Variants in ZDHHC8 observed in about 807,000 individuals in gnomAD.
The protein encoded by ZDHHC8 is zDHHC palmitoyltransferase 8, also known as palmitoyltransferase ZDHHC8.
ZDHHC8 carries 24 observed loss-of-function variants against 61.2 expected under a neutral mutation model. That is an observed-to-expected ratio of 0.39 (90% CI 0.28 to 0.55). ZDHHC8 has a LOEUF of 0.55. Among genes scored for constraint, ZDHHC8 ranks in the 20% least tolerant of loss-of-function variants. The pLI, the probability that ZDHHC8 is intolerant of heterozygous loss-of-function variation, is 0.60. For synonymous variants in ZDHHC8, 523 were observed against 492.5 expected (o/e 1.06, Z -0.82); for missense variants, 935 against 1,102.1 (o/e 0.85, Z 2.15).
In ZDHHC8 at chr22:20,143,014, C is replaced by G; in HGVS notation, c.1384C>G (p.Arg462Gly). Residue 462 changes from arginine to glycine, a missense_variant, in exon 10 of 11, where the codon CGT becomes GGT. Coordinates refer to ENST00000334554, the MANE Select transcript of ZDHHC8 (RefSeq NM_013373.4). ...RSEGGPPTPH[R>G]SIFAPHALPN... is the part of the protein sequence containing the mutation. ...TGAGGGGGGGCCCCCCACGCCCCAC[C>G]GTAGCATTTTTGCCCCCCATGCACT... is the stretch of plus-strand genomic sequence containing the variant. The G allele has an allele frequency of 5.6e-6, 9 of 1,612,128 alleles. No homozygotes were observed. The highest frequency in any genetic ancestry group is 7.6e-6 in the Non-Finnish European group (9 of 1,179,662).
chr22:20,145,268 T>C lies in ZDHHC8; in HGVS notation c.2166T>C (p.Asn722=), dbSNP rs777426245. 119 of 1,545,548 alleles carry C rather than the reference T, an allele frequency of 7.7e-5. No individual in the cohort carries two copies. Among genetic ancestry groups the C allele is most frequent in the Non-Finnish European group, 1.0e-4 (115 of 1,148,452 alleles). Reference sequence around the variant, plus strand: ...TGAAGACTCCCCCAAGTAAGCTTAATGGGCAGTCCCCGGGCCTGGCCCGGC... The same window carrying C: ...TGAAGACTCCCCCAAGTAAGCTTAACGGGCAGTCCCCGGGCCTGGCCCGGC... ...PQLKTPPSKL[N]GQSPGLARLG... The change falls in exon 11 of 11, where the codon AAT becomes AAC. Residue 722 remains asparagine (N), a synonymous_variant. Transcript: ENST00000334554.
chr22:20,141,195 C>T (rs1255435822), intron 7 of ZDHHC8, 22 bp from the exon 8 acceptor site: 3 of 1,604,622 alleles, frequency 1.9e-6, no homozygotes, highest in Admixed American at 3.4e-5. Flanking sequence ...CCCCACACAC[C>T]ACTGACCCCG....
Position 20,145,340 on chromosome 22 carries a change from G to T in ZDHHC8, c.2238G>T (p.Arg746=). 1 of 1,593,036 alleles carries T rather than the reference G, an allele frequency of 6.3e-7. No homozygotes were observed. Among genetic ancestry groups the T allele is most frequent in the Non-Finnish European group, 8.5e-7 (1 of 1,171,034 alleles). ...GPPGPSASPT[R]HTLVKKVSGV... ...CAGGGCCCTCTGCCAGCCCTACACG[G>T]CACACGCTGGTTAAGAAGGTGTCCG... is the stretch of plus-strand genomic sequence containing the variant. The change falls in exon 11 of 11, where the codon CGG becomes CGT. Residue 746 remains arginine, a synonymous_variant. Transcript: ENST00000334554.
chr22:20,141,060 G>C (rs886918981), intron 7 of ZDHHC8, 48 bp downstream of exon 7: 2 of 1,605,584 alleles, frequency 1.2e-6, no homozygotes, highest in Non-Finnish European at 1.7e-6. Flanking sequence ...CCCTTGGATG[G>C]GGAAACAGGC....
At chr22:20,142,572 C>G (rs1602573784) in intron 9 of ZDHHC8, among the ~76,000 whole-genome samples, 184 bp from the exon 10 acceptor site, 1 of 152,208 alleles carries the variant, frequency 6.6e-6, no homozygotes, top group Admixed American at 6.5e-5. Context: ...CCTCCTGTTG[C>G]AGAGCCCCTG....
chr22:20,133,104 G>A (rs1181102534), intron 1 of ZDHHC8, among the ~76,000 whole-genome samples: 4 of 152,246 alleles, frequency 2.6e-5, no homozygotes, highest in Admixed American at 2.0e-4. Context: ...TCGGGTGCCC[G>A]TGGAGGCGAG....
chr22:20,134,534 G>A (rs987581948), intron 1 of ZDHHC8, among the ~76,000 whole-genome samples: 7 of 152,354 alleles, frequency 4.6e-5, no homozygotes, highest in African/African-American at 1.7e-4. Flanking sequence ...GGAGCAGGTT[G>A]CTCTTGTGCC....
chr22:20,140,818 C>G, intron 6 of ZDHHC8, 53 bp from the exon 7 acceptor site: 1 of 1,600,334 alleles, frequency 6.2e-7, no homozygotes, highest in Non-Finnish European at 8.5e-7. Flanking sequence ...CAGCCCTGCC[C>G]TTGTGTGTTT....
At chr22:20,136,322 C>T (rs143163682) in intron 1 of ZDHHC8, among the ~76,000 whole-genome samples, 1 of 152,276 alleles carries the variant, frequency 6.6e-6, no homozygotes. Context: ...TAGGCCCTGC[C>T]TGTGGGAATG....
Position 20,132,004 on chromosome 22 carries a change from G to A in ZDHHC8, c.57G>A (p.Thr19=), listed in dbSNP as rs2050378707. The A allele has an allele frequency of 7.2e-7, 1 of 1,386,300 alleles. No homozygotes were observed. 85.9% of individuals were successfully genotyped at this position (1,386,300 alleles called of 1,614,324 possible). A position where few individuals can be genotyped will look rare whatever the true frequency, so the allele number is the denominator to read the frequency against. The change falls in exon 1 of 11, where the codon ACG becomes ACA. Residue 19 remains threonine, a synonymous_variant. Coordinates refer to ENST00000334554, the MANE Select transcript of ZDHHC8 (RefSeq NM_013373.4). ...CCGCCAAGTACATCCCGGTGGCCAC[G>A]GCCGCCGCGCTGCTGGTCGGCTCCA... ...LKPAKYIPVA[T]AAALLVGSST...
In ZDHHC8 at chr22:20,147,319, TG is replaced by T. The variant is rs1374023657; in HGVS notation, c.*1924del. On this transcript the variant is annotated 3_prime_UTR_variant, in exon 11 of 11. Coordinates refer to ENST00000334554, the MANE Select transcript of ZDHHC8 (RefSeq NM_013373.4). ...ACTGCAGTGGACCCTGGGGCAGGGC[TG>T]GGGGTGGGCTGGGCTCTCTGCTCCA... 23 of 1,302,792 alleles carry T rather than the reference TG, an allele frequency of 1.8e-5. No homozygotes were observed. Among genetic ancestry groups the T allele is most frequent in the Non-Finnish European group, 7.0e-6 (7 of 994,810 alleles). The allele number at this position is 1,302,792 out of a possible 1,614,324, so 80.7% of individuals were successfully genotyped here.
chr22:20,139,892 C>G lies in ZDHHC8; in HGVS notation c.557C>G (p.Thr186Ser), dbSNP rs1411662347. The stretch of plus-strand genomic sequence containing the variant: ...CTGGGAGCCGCGCACACCACCATCA[C>G]GTATCCTTGGTTCCTGTGGGCCTCA... ...EGLGAAHTTI[T>S]MAVMCVAGLF... is the part of the protein sequence containing the mutation. Residue 186 changes from threonine to serine, a missense_variant and splice_region_variant, in exon 4 of 11, where the codon ACC becomes AGC. Transcript: ENST00000334554. The G allele has an allele frequency of 1.2e-6, 2 of 1,610,980 alleles. No homozygotes were observed. The highest frequency in any genetic ancestry group is 1.7e-5 in the Admixed American group (1 of 59,974).
At chr22:20,141,378 G>C (rs780145411) in intron 8 of ZDHHC8, 41 bp downstream of exon 8, 11 of 1,611,778 alleles carry the variant, frequency 6.8e-6, no homozygotes, top group Non-Finnish European at 6.8e-6. Flanking sequence ...GATATGGGTT[G>C]ACCCTCCTCT....
intron 1 of ZDHHC8, among the ~76,000 whole-genome samples, chr22:20,132,813 A>T (rs1042010028): frequency 1.3e-5 from 2 of 152,266 alleles, no homozygotes; most frequent in African/African-American, 4.8e-5. Flanking sequence ...GCATGCGGAC[A>T]GCACAGCCTC....
chr22:20,136,362 A>C (rs1177792681), intron 1 of ZDHHC8, among the ~76,000 whole-genome samples: 1 of 152,220 alleles, frequency 6.6e-6, no homozygotes, highest in Non-Finnish European at 1.5e-5. Context: ...GAGCATCCAC[A>C]CATGGCCTCC....
Position 20,143,617 on chromosome 22 carries a change from G to T in ZDHHC8, c.1987G>T (p.Gly663Cys). 6.2e-7 allele frequency: 1 copy of T among 1,604,438 alleles called. No homozygotes were observed. The highest frequency in any genetic ancestry group is 8.5e-7 in the Non-Finnish European group (1 of 1,179,172). Reference sequence around the variant, plus strand: ...CGCCCCGGGGCCCCGGCCCAGCAGTGGCTCACACAGGTCACCTGCACGCCA... The same window carrying T: ...CGCCCCGGGGCCCCGGCCCAGCAGTTGCTCACACAGGTCACCTGCACGCCA... ...SNAPGPRPSS[G>C]SHRSPARQGL... Residue 663 changes from glycine to cysteine, a missense_variant, in exon 10 of 11, where the codon GGC becomes TGC. Coordinates refer to ENST00000334554, the MANE Select transcript of ZDHHC8 (RefSeq NM_013373.4).
At chr22:20,136,334 G>A (rs1437363340) in intron 1 of ZDHHC8, among the ~76,000 whole-genome samples, 4 of 152,388 alleles carry the variant, frequency 2.6e-5, no homozygotes, top group East Asian at 1.9e-4. Flanking sequence ...GTGGGAATGC[G>A]TGTCTTTGAG....
intron 1 of ZDHHC8, among the ~76,000 whole-genome samples, chr22:20,133,678 C>T (rs554698977): frequency 4.7e-5 from 7 of 147,582 alleles, no homozygotes; most frequent in Non-Finnish European, 7.4e-5. Context: ...GCCGAAATCG[C>T]ACCACTGCAC....
chr22:20,140,639 G>C lies in ZDHHC8; in HGVS notation c.683G>C (p.Gly228Ala), dbSNP rs2050459867. The C allele has an allele frequency of 1.2e-6, 2 of 1,610,636 alleles. No individual in the cohort carries two copies. Among genetic ancestry groups the C allele is most frequent in the Admixed American group, 1.7e-5 (1 of 59,682 alleles). ...NEQVTGKFRG[G>A]VNPFTRGCCG... Reference sequence around the variant, plus strand: ...CAGGTGACTGGGAAGTTCCGCGGGGGTGTGAACCCTTTCACCCGAGGCTGC... The same window carrying C: ...CAGGTGACTGGGAAGTTCCGCGGGGCTGTGAACCCTTTCACCCGAGGCTGC... Residue 228 changes from glycine to alanine, a missense_variant, in exon 6 of 11, where the codon GGT becomes GCT. Coordinates refer to ENST00000334554, the MANE Select transcript of ZDHHC8 (RefSeq NM_013373.4).
Sources: gnomAD v4.1 joint callset for allele counts (sites outside exome capture counted in the v4.1 genomes callset) on GRCh38, gnomAD v4.1.1 for gene constraint, MANE v1.5 for transcripts, NCBI Gene and HGNC (gene_info 2026-07-23, HGNC 2026-07-21) for gene names.